The following IFNGR2 variants were observed in gnomAD, a reference collection of about 807,000 sequenced individuals.
IFNGR2 encodes the protein IFN-gamma receptor 2.
Under a neutral mutation model 41.1 loss-of-function variants are expected in IFNGR2, and 15 were observed. The observed-to-expected ratio is 0.37, with a 90% CI of 0.24 to 0.56. The LOEUF (loss-of-function observed/expected upper bound fraction) is 0.56, where lower values mean the gene tolerates loss of function less well. Among genes scored for constraint, IFNGR2 ranks in the 20% least tolerant of loss-of-function variants. The pLI, the probability that IFNGR2 is intolerant of heterozygous loss-of-function variation, is 0.81. For synonymous variants in IFNGR2, 161 were observed against 171.6 expected (o/e 0.94, Z 0.48); for missense variants, 362 against 415.7 (o/e 0.87, Z 1.12).
intron 1 of IFNGR2, among the ~76,000 whole-genome samples, chr21:33,406,237 G>A (rs193133583): frequency 3.3e-5 from 5 of 151,634 alleles, no homozygotes; most frequent in East Asian, 1.9e-4. Context: ...TTACCCGGGC[G>A]TGGTGGTTGG....
rs1277908200 is a variant in IFNGR2, at chr21:33,421,657, A to G, written c.384A>G (p.Thr128=). Residue 128 remains threonine (T), a synonymous_variant, in exon 3 of 7, where the codon ACA becomes ACG. Coordinates refer to ENST00000290219, the MANE Select transcript of IFNGR2 (RefSeq NM_005534.4). ...GAGCACTCCATTCTGCCTGGGTGAC[A>G]ATGCCTTGGTTTCAACACTATCGGA... ...ELGALHSAWV[T]MPWFQHYRNV... The G allele has an allele frequency of 6.2e-7, 1 of 1,614,008 alleles. No individual in the cohort carries two copies. The highest frequency in any genetic ancestry group is 1.7e-5 in the Admixed American group (1 of 59,998).
chr21:33,436,529 C>T (rs1045891250), intron 6 of IFNGR2, among the ~76,000 whole-genome samples: 43 of 152,036 alleles, frequency 2.8e-4, no homozygotes, highest in African/African-American at 9.4e-4. Context: ...TTGAGACCAG[C>T]GTGGCCAACA....
intron 4 of IFNGR2, among the ~76,000 whole-genome samples, chr21:33,429,436 C>T (rs976717589): frequency 2.6e-5 from 4 of 152,132 alleles, no homozygotes; most frequent in Admixed American, 2.6e-4. Context: ...ATTTTCCTGT[C>T]TCAGCCTCCA....
intron 1 of IFNGR2, chr21:33,410,865 T>C (rs1400410386): frequency 6.5e-7 from 1 of 1,548,346 alleles, no homozygotes; most frequent in African/African-American, 1.4e-5. Flanking sequence ...CTACCAAGAA[T>C]GGTGCAATGA....
At chr21:33,433,219 C>T (rs2083907651) in intron 6 of IFNGR2, among the ~76,000 whole-genome samples, 1 of 152,082 alleles carries the variant, frequency 6.6e-6, no homozygotes, top group Admixed American at 6.6e-5. Flanking sequence ...CATCAGGGCC[C>T]CACTGCCCCT....
At chr21:33,413,113 G>C (rs1360710721) in intron 1 of IFNGR2, among the ~76,000 whole-genome samples, 1 of 152,116 alleles carries the variant, frequency 6.6e-6, no homozygotes, top group Non-Finnish European at 1.5e-5. Context: ...ATCTGTCTGT[G>C]TGACTGTCAT....
Position 33,435,241 on chromosome 21 carries a change from G to A in IFNGR2, c.880-1587G>A, listed in dbSNP as rs17886570. Among the ~76,000 whole-genome samples the A allele has an allele frequency of 6.6e-3, 1,000 of 152,218 alleles. 13 individuals are homozygous for A. The highest frequency in any genetic ancestry group is 0.023 in the African/African-American group (964 of 41,572). ...TTAAGGCCTAAGGCCCTCGCTCCCAGATTCTCTGCTTGCTGTGCGCTGGTG... is the reference window on the plus strand; with the variant it reads ...TTAAGGCCTAAGGCCCTCGCTCCCAAATTCTCTGCTTGCTGTGCGCTGGTG... On this transcript the variant is annotated intron_variant, in intron 6 of 6. Coordinates refer to ENST00000290219, the MANE Select transcript of IFNGR2 (RefSeq NM_005534.4).
In IFNGR2 at chr21:33,432,216, A is replaced by T; in HGVS notation, c.601A>T (p.Asn201Tyr). 6.2e-7 allele frequency: 1 copy of T among 1,614,142 alleles called. No individual in the cohort carries two copies. Among genetic ancestry groups the T allele is most frequent in the Non-Finnish European group, 8.5e-7 (1 of 1,179,952 alleles). ...CAGAAGCAACTCCATTTCATTGGATAACTTAAAACCCTCCAGAGTGTACTG... is the reference window on the plus strand; with the variant it reads ...CAGAAGCAACTCCATTTCATTGGATTACTTAAAACCCTCCAGAGTGTACTG... ...PFRSNSISLD[N>Y]LKPSRVYCLQ... Residue 201 changes from asparagine (N) to tyrosine (Y), a missense_variant, in exon 5 of 7, where the codon AAC (asparagine) becomes TAC (tyrosine). Asn to Tyr is a moderately radical substitution (Grantham distance 143). Transcript: ENST00000290219.
At chr21:33,435,971 G>T (rs939395901) in intron 6 of IFNGR2, among the ~76,000 whole-genome samples, 1 of 151,518 alleles carries the variant, frequency 6.6e-6, no homozygotes, top group Non-Finnish European at 1.5e-5. Flanking sequence ...TGAGGCAGGA[G>T]AATTGCTTGA....
chr21:33,404,719 G>A (rs2083665197), intron 1 of IFNGR2, among the ~76,000 whole-genome samples: 1 of 152,058 alleles, frequency 6.6e-6, no homozygotes, highest in South Asian at 2.1e-4. Context: ...TTGAGGCACC[G>A]TGCCCAGCTG....
chr21:33,417,046 T>G (rs776471820), intron 2 of IFNGR2, among the ~76,000 whole-genome samples: 12 of 151,132 alleles, frequency 7.9e-5, no homozygotes, highest in Non-Finnish European at 1.6e-4. Flanking sequence ...CAGCCTTCTG[T>G]GTAGCTGGGA....
rs201982278 is a variant in IFNGR2 at position 33,420,871 on chromosome 21, A to AC, written c.207-604dup. 1.3e-4 allele frequency among the ~76,000 whole-genome samples: 20 copies of AC among 151,754 alleles called. No individual in the cohort carries two copies. In the East Asian group the frequency reaches 1.4e-3, roughly 10 times the overall value. On this transcript the variant is annotated intron_variant, in intron 2 of 6. Transcript: ENST00000290219. Reference sequence around the variant, plus strand: ...AGACCAGCCTGGGCAACAAGGAGAGACCCCCAACTCTACAAAGAAATTAAA... The same window carrying AC: ...AGACCAGCCTGGGCAACAAGGAGAGACCCCCCAACTCTACAAAGAAATTAAA...
chr21:33,418,464 T>C (rs914270604), intron 2 of IFNGR2, among the ~76,000 whole-genome samples: 6 of 152,206 alleles, frequency 3.9e-5, no homozygotes, highest in Admixed American at 3.3e-4. Flanking sequence ...GTTTGTAGAT[T>C]TGATAATGGA....
At chr21:33,428,091 C>G (rs1262178754) in intron 4 of IFNGR2, among the ~76,000 whole-genome samples, 2 of 151,992 alleles carry the variant, frequency 1.3e-5, no homozygotes, top group African/African-American at 4.8e-5. Context: ...AGTGGCTTGC[C>G]TCAGGTCAGC....
At chr21:33,409,022 C>A (rs1221397309) in intron 1 of IFNGR2, among the ~76,000 whole-genome samples, 1 of 151,664 alleles carries the variant, frequency 6.6e-6, no homozygotes, top group Non-Finnish European at 1.5e-5. Flanking sequence ...ACTAAAAATA[C>A]AAAAATTAGC....
rs550066946 is a variant in IFNGR2, at chr21:33,411,934, G to T, written c.74-2954G>T. Among the ~76,000 whole-genome samples, 3 of 152,268 alleles carry T rather than the reference G, an allele frequency of 2.0e-5. No individual in the cohort carries two copies. The East Asian group carries it at 5.8e-4, about 29-fold the overall frequency. ...ATTTATTTATTTTTAGAGATGGGGG[G>T]ATCTCGCTATGTTGGCCAGGCTAGA... On this transcript the variant is annotated intron_variant, in intron 1 of 6. Coordinates refer to ENST00000290219, the MANE Select transcript of IFNGR2 (RefSeq NM_005534.4).
intron 6 of IFNGR2, 130 bp downstream of exon 6, chr21:33,433,001 T>C (rs957459108): frequency 2.8e-5 from 22 of 778,302 alleles, no homozygotes; most frequent in Middle Eastern, 3.5e-4. Flanking sequence ...TTCTCCTGCC[T>C]CAGCCTCCTG....
chr21:33,429,775 A>T (rs1335307870), intron 4 of IFNGR2, among the ~76,000 whole-genome samples: 3 of 152,190 alleles, frequency 2.0e-5, no homozygotes, highest in African/African-American at 7.2e-5. Flanking sequence ...TAAAGAAAAC[A>T]CATTGTGCAA....
chr21:33,425,269 A>G (rs1002483785), intron 3 of IFNGR2, among the ~76,000 whole-genome samples: 1 of 152,106 alleles, frequency 6.6e-6, no homozygotes. Context: ...GCTTCGTGGA[A>G]AGGCCATTTA....
Sources: allele counts gnomAD v4.1 joint callset (sites outside exome capture counted in the v4.1 genomes callset), GRCh38; gene constraint gnomAD v4.1.1; transcripts MANE v1.5; gene names NCBI Gene and HGNC (gene_info 2026-07-23, HGNC 2026-07-21).